The following DAB1 variants were observed in gnomAD, a reference collection of about 807,000 sequenced individuals.
DAB1 encodes the protein disabled homolog 1.
In DAB1, 15 loss-of-function variants were observed where a neutral mutation model predicts 64.6. The ratio of observed to expected loss-of-function variants is 0.23; its 90% confidence interval spans 0.16 to 0.36. The LOEUF (loss-of-function observed/expected upper bound fraction) is 0.36, where lower values mean the gene tolerates loss of function less well. DAB1 is among the 10% of genes least tolerant of loss of function. The probability of loss-of-function intolerance (pLI) is 1.00; values close to 1 mark genes in which losing one functional copy is unlikely to be tolerated. For synonymous variants in DAB1, 235 were observed against 251.9 expected, an observed-to-expected ratio of 0.93 and a Z score of 0.64; for missense variants, 596 against 706.7, an observed-to-expected ratio of 0.84 and a Z score of 1.78.
intron 4 of DAB1, among the ~76,000 whole-genome samples, chr1:58,276,231 G>A (rs1181013011): frequency 8.5e-5 from 13 of 152,144 alleles, no homozygotes; most frequent in Admixed American, 8.5e-4. Context: ...CTGGAATTGA[G>A]TGCATGACAA....
intron 5 of DAB1, among the ~76,000 whole-genome samples, chr1:58,011,897 G>A (rs1000771324): frequency 1.3e-5 from 2 of 152,076 alleles, no homozygotes; most frequent in Admixed American, 1.3e-4. Flanking sequence ...TGCTATGTTG[G>A]CTAGGCTGAT....
chr1:57,811,247 TC>T (rs1267234944), intron 6 of DAB1, among the ~76,000 whole-genome samples: 6 of 152,198 alleles, frequency 3.9e-5, no homozygotes, highest in African/African-American at 1.4e-4. Flanking sequence ...CAAATTGTAA[TC>T]CCCAATGTCG....
chr1:57,163,497 G>A (rs1006171380), intron 2 of DAB1, among the ~76,000 whole-genome samples: 1 of 151,964 alleles, frequency 6.6e-6, no homozygotes, highest in Non-Finnish European at 1.5e-5. Flanking sequence ...GGGCTCCCTC[G>A]TGTGCTGCTT....
In DAB1 at chr1:56,995,957, C is replaced by A. The variant is rs747242934; in HGVS notation, c.*2187G>T. 6.6e-6 allele frequency: 1 copy of A among 152,082 alleles called. No individual in the cohort carries two copies. Among genetic ancestry groups the A allele is most frequent in the South Asian group, 2.1e-4 (1 of 4,828 alleles). 9.4% of individuals were successfully genotyped at this position (152,082 alleles called of 1,614,324 possible). A position where few individuals can be genotyped will look rare whatever the true frequency, so the allele number is the denominator to read the frequency against. On this transcript the variant is annotated 3_prime_UTR_variant, in exon 15 of 15. Coordinates refer to ENST00000371236, the MANE Select transcript of DAB1 (RefSeq NM_001365792.1). ...ATAGCTACAGAGGGAGGTAAACGGCCCTTCTCACTTTTCTGGTTCTTCGGA... is the reference window on the plus strand; with the variant it reads ...ATAGCTACAGAGGGAGGTAAACGGCACTTCTCACTTTTCTGGTTCTTCGGA...
At chr1:57,689,421 G>A (rs1311127799) in intron 6 of DAB1, among the ~76,000 whole-genome samples, 1 of 152,160 alleles carries the variant, frequency 6.6e-6, no homozygotes, top group Non-Finnish European at 1.5e-5. Context: ...GGGAAATGCT[G>A]ATGCTGTAGA....
intron 1 of DAB1, among the ~76,000 whole-genome samples, chr1:57,835,413 G>A (rs1039072302): frequency 6.6e-6 from 1 of 152,122 alleles, no homozygotes; most frequent in African/African-American, 2.4e-5. Context: ...TTTTTCCAAT[G>A]TCATATAACA....
At chr1:57,028,851 TA>T (rs1028405541) in intron 9 of DAB1, among the ~76,000 whole-genome samples, 3 of 152,274 alleles carry the variant, frequency 2.0e-5, no homozygotes, top group African/African-American at 4.8e-5. Flanking sequence ...TGGGTGCTGT[TA>T]AAAGCATTCA....
intron 5 of DAB1, among the ~76,000 whole-genome samples, chr1:58,127,881 A>G (rs1431401391): frequency 6.6e-6 from 1 of 152,146 alleles, no homozygotes; most frequent in African/African-American, 2.4e-5. Flanking sequence ...TATAGTTTGA[A>G]GTCAGGTAGT....
chr1:57,353,648 A>G (rs1433629547), intron 1 of DAB1, among the ~76,000 whole-genome samples: 2 of 152,136 alleles, frequency 1.3e-5, no homozygotes, highest in African/African-American at 4.8e-5. Context: ...GATGCCAGGA[A>G]GTTAGGTAGC....
chr1:57,895,825 G>A (rs1644384085), intron 5 of DAB1, among the ~76,000 whole-genome samples: 1 of 152,088 alleles, frequency 6.6e-6, no homozygotes, highest in Non-Finnish European at 1.5e-5. Context: ...ACACAAATAT[G>A]CATACTGCTG....
chr1:57,440,064 C>T (rs1376336026), intron 7 of DAB1, among the ~76,000 whole-genome samples: 1 of 152,184 alleles, frequency 6.6e-6, no homozygotes, highest in Non-Finnish European at 1.5e-5. Context: ...CATTACTTTG[C>T]TCATACTGTT....
At chr1:58,531,074 G>C (rs1646427676) in intron 1 of DAB1, among the ~76,000 whole-genome samples, 1 of 152,180 alleles carries the variant, frequency 6.6e-6, no homozygotes, top group South Asian at 2.1e-4. Flanking sequence ...GAGAGGTTAA[G>C]AGTTGCCCAG....
chr1:58,162,099 G>C (rs182424603), intron 4 of DAB1, among the ~76,000 whole-genome samples: 6 of 152,098 alleles, frequency 3.9e-5, no homozygotes, highest in African/African-American at 1.4e-4. Context: ...ATAGGATGTA[G>C]GGCATGAAAG....
chr1:57,928,712 C>T (rs1235934491), intron 5 of DAB1, among the ~76,000 whole-genome samples: 4 of 152,162 alleles, frequency 2.6e-5, no homozygotes, highest in Non-Finnish European at 5.9e-5. Flanking sequence ...AGTACGTAGC[C>T]TTTTCACATT....
At chr1:57,469,031 A>G (rs1687052014) in intron 7 of DAB1, among the ~76,000 whole-genome samples, 1 of 152,178 alleles carries the variant, frequency 6.6e-6, no homozygotes, top group Admixed American at 6.5e-5. Context: ...AAATTGCTCA[A>G]AGTTGAAGAT....
chr1:58,532,550 C>CA (rs1275820457), intron 1 of DAB1, among the ~76,000 whole-genome samples: 1 of 152,030 alleles, frequency 6.6e-6, no homozygotes, highest in African/African-American at 2.4e-5. Flanking sequence ...TTGTTTGAGA[C>CA]AGTGTCTCAC....
intron 6 of DAB1, among the ~76,000 whole-genome samples, chr1:57,703,497 A>G (rs1646931490): frequency 6.6e-6 from 1 of 152,164 alleles, no homozygotes; most frequent in Non-Finnish European, 1.5e-5. Context: ...ACCATGTCGC[A>G]CCAGTCAGAA....
chr1:58,276,391 G>A (rs1028939270), intron 4 of DAB1, among the ~76,000 whole-genome samples: 1 of 152,126 alleles, frequency 6.6e-6, no homozygotes, highest in African/African-American at 2.4e-5. Flanking sequence ...GTTCCTAAAA[G>A]AGTGCTTTTC....
chr1:57,520,079 T>G (rs1488766828), intron 7 of DAB1, among the ~76,000 whole-genome samples: 1 of 152,222 alleles, frequency 6.6e-6, no homozygotes, highest in Non-Finnish European at 1.5e-5. Flanking sequence ...TTATTTTACC[T>G]CTGGAATCTC....
Sources: gnomAD v4.1 joint callset for allele counts (sites outside exome capture counted in the v4.1 genomes callset) on GRCh38, gnomAD v4.1.1 for gene constraint, MANE v1.5 for transcripts, NCBI Gene and HGNC (gene_info 2026-07-23, HGNC 2026-07-21) for gene names.